CRTC1: variants seen among roughly 807,000 people sequenced by gnomAD.
CRTC1 encodes CREB-regulated transcription coactivator 1.
Under a neutral mutation model 66.1 loss-of-function variants are expected in CRTC1, and 18 were observed. The observed-to-expected ratio is 0.27, with a 90% confidence interval of 0.19 to 0.40. The LOEUF is 0.40. CRTC1 is among the 10% of genes least tolerant of loss of function. CRTC1 has a pLI of 1.00. For missense variants in CRTC1, 669 were observed against 887.9 expected (o/e 0.75, Z 3.13); for synonymous variants, 416 against 398.8 (o/e 1.04, Z -0.51).
chr19:18,691,191 C>CAAA (rs35591757), intron 1 of CRTC1, among the ~76,000 whole-genome samples: 1 of 118,696 alleles, frequency 8.4e-6, no homozygotes, highest in African/African-American at 3.1e-5. Flanking sequence ...GATCCTGTCT[C>CAAA]AAAAAAAAAA....
chr19:18,711,950 C>T (rs2053401908), intron 1 of CRTC1, among the ~76,000 whole-genome samples: 1 of 152,070 alleles, frequency 6.6e-6, no homozygotes, highest in African/African-American at 2.4e-5. Flanking sequence ...TAAAAATTAG[C>T]CTTTATTTAA....
At chr19:18,737,945 C>A (rs912823148) in intron 1 of CRTC1, among the ~76,000 whole-genome samples, 3 of 151,744 alleles carry the variant, frequency 2.0e-5, no homozygotes, top group African/African-American at 7.3e-5. Context: ...TATAACATAC[C>A]AAATCTGTCT....
rs1433088888 is a variant in CRTC1, at chr19:18,683,714, G to C, written c.12G>C (p.Ser4=). 5.0e-6 allele frequency: 7 copies of C among 1,405,414 alleles called. No individual in the cohort carries two copies. The highest frequency in any genetic ancestry group is 2.8e-6 in the Non-Finnish European group (3 of 1,055,630). 87.1% of individuals were successfully genotyped at this position (1,405,414 alleles called of 1,614,324 possible). A position where few individuals can be genotyped will look rare whatever the true frequency, so the allele number is the denominator to read the frequency against. MAT[S]NNPRKFSEKI... ...GTGGCGGCGAGAAGATGGCGACTTC[G>C]AACAATCCGCGGAAATTCAGCGAGA... The change falls in exon 1 of 14, where the codon TCG becomes TCC. Residue 4 remains serine (S), a synonymous_variant. Coordinates refer to ENST00000321949, the MANE Select transcript of CRTC1 (RefSeq NM_015321.3).
In CRTC1 at chr19:18,712,116, A is replaced by T. The variant is rs111997577; in HGVS notation, c.126+28288A>T. Among the ~76,000 whole-genome samples, 346 of 151,702 alleles carry T rather than the reference A, an allele frequency of 2.3e-3. 1 individual carries two copies. The highest frequency in any genetic ancestry group is 7.8e-3 in the African/African-American group (324 of 41,318). On this transcript the variant is annotated intron_variant, in intron 1 of 13. Transcript: ENST00000321949. ...CCACCATGGCCAGCTAATTTTTAAAATTTTTTTGTGGAGATGGGTCTCACT... is the reference window on the plus strand; with the variant it reads ...CCACCATGGCCAGCTAATTTTTAAATTTTTTTTGTGGAGATGGGTCTCACT...
intron 1 of CRTC1, among the ~76,000 whole-genome samples, chr19:18,717,076 TGTGA>T (rs1405246823): frequency 1.3e-5 from 2 of 152,182 alleles, no homozygotes; most frequent in African/African-American, 4.8e-5. Context: ...TGTGCATTGC[TGTGA>T]GTGTGCACAC....
chr19:18,777,461 G>A lies in CRTC1; in HGVS notation c.*79G>A, dbSNP rs935095085. 5 of 1,307,788 alleles carry A rather than the reference G, an allele frequency of 3.8e-6. No individual in the cohort carries two copies. Among genetic ancestry groups the A allele is most frequent in the Non-Finnish European group, 5.4e-6 (5 of 917,622 alleles). 81.0% of individuals were successfully genotyped at this position (1,307,788 alleles called of 1,614,324 possible). The stretch of plus-strand genomic sequence containing the variant: ...CGGGGACGGCCGTGCTCCGTCCCTC[G>A]CCAACGGCCGAGCTTGTGATTCTGA... On this transcript the variant is annotated 3_prime_UTR_variant, in exon 14 of 14. Transcript: ENST00000321949. The surrounding 1 kb of genome is among the most constrained non-coding windows in gnomAD (Gnocchi z 5.5).
chr19:18,727,690 G>A (rs1456980762), intron 1 of CRTC1, among the ~76,000 whole-genome samples: 1 of 151,652 alleles, frequency 6.6e-6, no homozygotes, highest in Non-Finnish European at 1.5e-5. Context: ...GTCAGCAGCC[G>A]CAACAGCTGG....
At chr19:18,761,309 G>A (rs534718506) in intron 8 of CRTC1, among the ~76,000 whole-genome samples, 8 of 152,184 alleles carry the variant, frequency 5.3e-5, no homozygotes, top group Non-Finnish European at 8.8e-5. Context: ...CCTGCATCCC[G>A]GGGGTGGCAG....
At chr19:18,767,582 G>A (rs1007439889) in intron 9 of CRTC1, among the ~76,000 whole-genome samples, 11 of 152,106 alleles carry the variant, frequency 7.2e-5, no homozygotes, top group Non-Finnish European at 1.3e-4. Flanking sequence ...GGCAATGCCC[G>A]GCCCGGACTC....
chr19:18,701,882 T>G (rs1323667253), intron 1 of CRTC1, among the ~76,000 whole-genome samples: 2 of 151,786 alleles, frequency 1.3e-5, no homozygotes, highest in Non-Finnish European at 2.9e-5. Context: ...CCTCCCAAAG[T>G]GCTGGGATTA....
chr19:18,752,644 T>TC (rs1384051890), intron 5 of CRTC1, among the ~76,000 whole-genome samples: 1 of 150,740 alleles, frequency 6.6e-6, no homozygotes, highest in Non-Finnish European at 1.5e-5. Context: ...TCTCTTTCTT[T>TC]CTTTTTTTTT....
chr19:18,779,775 C>T lies in CRTC1; in HGVS notation c.*2393C>T, dbSNP rs1056814831. The T allele has an allele frequency of 9.0e-5, 20 of 223,224 alleles. No individual in the cohort carries two copies. The highest frequency in any genetic ancestry group is 3.2e-4 in the East Asian group (5 of 15,416). The allele number at this position is 223,224 out of a possible 1,614,324, so 13.8% of individuals were successfully genotyped here. A position where few individuals can be genotyped will look rare whatever the true frequency, so the allele number is the denominator to read the frequency against. The stretch of plus-strand genomic sequence containing the variant: ...CAGATTCACAGTGACATTGTGTTAA[C>T]GTGACGACCTTGGTCCATTATGGAG... On this transcript the variant is annotated 3_prime_UTR_variant, in exon 14 of 14. Transcript: ENST00000321949.
At chr19:18,709,598 G>C (rs1212063296) in intron 1 of CRTC1, among the ~76,000 whole-genome samples, 1 of 152,194 alleles carries the variant, frequency 6.6e-6, no homozygotes, top group Non-Finnish European at 1.5e-5. Context: ...CCATGGATGG[G>C]AGTTGGGATG....
intron 1 of CRTC1, among the ~76,000 whole-genome samples, chr19:18,691,805 C>T (rs1463734298): frequency 6.6e-6 from 1 of 151,976 alleles, no homozygotes; most frequent in Non-Finnish European, 1.5e-5. Flanking sequence ...CCTCCTTCTC[C>T]CGTGTTCAAG....
At chr19:18,686,071 C>T (rs2052677809) in intron 1 of CRTC1, among the ~76,000 whole-genome samples, 1 of 151,866 alleles carries the variant, frequency 6.6e-6, no homozygotes, top group South Asian at 2.1e-4. Flanking sequence ...AGAAAGAAAC[C>T]CCGTCCCCAT....
At chr19:18,769,662 G>A (rs907793291) in intron 10 of CRTC1, among the ~76,000 whole-genome samples, 8 of 152,164 alleles carry the variant, frequency 5.3e-5, no homozygotes, top group African/African-American at 9.7e-5. Flanking sequence ...AACACAGCAG[G>A]TCCTGGGGGA....
At chr19:18,719,168 C>T (rs570119843) in intron 1 of CRTC1, among the ~76,000 whole-genome samples, 3 of 152,246 alleles carry the variant, frequency 2.0e-5, no homozygotes, top group Non-Finnish European at 4.4e-5. Flanking sequence ...GTCCCTGCTT[C>T]TTCTACCCTG....
In CRTC1 at chr19:18,779,822, G is replaced by A. The variant is rs1043005988; in HGVS notation, c.*2440G>A. On this transcript the variant is annotated 3_prime_UTR_variant, in exon 14 of 14. Transcript: ENST00000321949. ...GGAGTTCTTTTTCCAATAAGAACCT[G>A]GTGGACCGAGGTCCGAGCTTGCCAG... is the stretch of plus-strand genomic sequence containing the variant. The A allele has an allele frequency of 4.4e-6, 1 of 225,366 alleles. No individual in the cohort carries two copies. Among genetic ancestry groups the A allele is most frequent in the Admixed American group, 5.7e-5 (1 of 17,488 alleles). The allele number at this position is 225,366 out of a possible 1,614,324, so 14.0% of individuals were successfully genotyped here. A position where few individuals can be genotyped will look rare whatever the true frequency, so the allele number is the denominator to read the frequency against.
intron 2 of CRTC1, among the ~76,000 whole-genome samples, chr19:18,745,392 C>T (rs992603357): frequency 6.6e-6 from 1 of 152,212 alleles, no homozygotes; most frequent in African/African-American, 2.4e-5. Flanking sequence ...TGTCTCTTGG[C>T]AGGCCCCTCC....
Sources: gnomAD v4.1 joint callset for allele counts (sites outside exome capture counted in the v4.1 genomes callset) on GRCh38, gnomAD v4.1.1 for gene constraint, Gnocchi (gnomAD v3.1) non-coding constraint, MANE v1.5 for transcripts, NCBI Gene and HGNC (gene_info 2026-07-23, HGNC 2026-07-21) for gene names.